The following TBC1D1 variants were observed in gnomAD, a reference collection of about 807,000 sequenced individuals.
TBC1D1 encodes TBC1 domain family member 1.
A neutral mutation model predicts 125.6 loss-of-function variants in TBC1D1; 89 were observed. That is an observed-to-expected ratio of 0.71 (90% CI 0.60 to 0.85). TBC1D1 has a LOEUF of 0.85. TBC1D1 is among the 40% of genes least tolerant of loss of function. The pLI, the probability that TBC1D1 is intolerant of heterozygous loss-of-function variation, is 0.00. For synonymous variants in TBC1D1, 565 were observed against 564.1 expected (o/e 1.00, Z -0.02); for missense variants, 1,377 against 1,469.2 (o/e 0.94, Z 1.03).
At chr4:37,906,161 C>A (rs989607368) in intron 2 of TBC1D1, among the ~76,000 whole-genome samples, 3 of 152,048 alleles carry the variant, frequency 2.0e-5, no homozygotes, top group African/African-American at 4.8e-5. Context: ...TTTTCCCCCC[C>A]GCTTGAGACA....
chr4:37,936,330 C>T (rs977102270), intron 2 of TBC1D1, among the ~76,000 whole-genome samples: 15 of 152,138 alleles, frequency 9.9e-5, no homozygotes, highest in Admixed American at 7.9e-4. Context: ...CCCTCTCTGT[C>T]GAAATATCCT....
chr4:37,898,070 A>C (rs968013661), intron 1 of TBC1D1, among the ~76,000 whole-genome samples: 2 of 152,224 alleles, frequency 1.3e-5, no homozygotes, highest in Non-Finnish European at 2.9e-5. Flanking sequence ...TATTATAAAA[A>C]TTTGCTCTTA....
chr4:38,021,882 C>A (rs966792442), intron 6 of TBC1D1, among the ~76,000 whole-genome samples, 164 bp downstream of exon 6: 11 of 152,178 alleles, frequency 7.2e-5, no homozygotes, highest in African/African-American at 2.2e-4. Flanking sequence ...TTCTGTATGT[C>A]AGGAATTGTG....
At chr4:38,097,223 C>T (rs1474334631) in intron 14 of TBC1D1, among the ~76,000 whole-genome samples, 6 of 152,110 alleles carry the variant, frequency 3.9e-5, no homozygotes, top group South Asian at 2.1e-4. Flanking sequence ...AGTGCAATGG[C>T]GCGATCTCAG....
chr4:38,099,596 G>GT (rs1330254390), intron 14 of TBC1D1, among the ~76,000 whole-genome samples: 8 of 152,184 alleles, frequency 5.3e-5, no homozygotes, highest in Non-Finnish European at 1.2e-4. Context: ...CATTTCAGAG[G>GT]TTTTTTTGCA....
chr4:38,036,095 T>C (rs1747156345), intron 8 of TBC1D1, among the ~76,000 whole-genome samples: 1 of 152,216 alleles, frequency 6.6e-6, no homozygotes, highest in African/African-American at 2.4e-5. Context: ...ACGTCCTTTG[T>C]GATATAAATG....
intron 12 of TBC1D1, among the ~76,000 whole-genome samples, chr4:38,073,784 G>A (rs934892046): frequency 4.6e-5 from 7 of 152,140 alleles, no homozygotes; most frequent in South Asian, 4.2e-4. Context: ...AGCTTGTTAC[G>A]TAAGGAGAAG....
intron 2 of TBC1D1, among the ~76,000 whole-genome samples, chr4:37,987,000 GA>G (rs1303311009): frequency 6.6e-6 from 1 of 152,172 alleles, no homozygotes; most frequent in African/African-American, 2.4e-5. Context: ...GGGCTGCAGT[GA>G]CCCACCCATT....
chr4:38,101,365 CT>C (rs1163412725), intron 14 of TBC1D1, among the ~76,000 whole-genome samples: 22 of 152,188 alleles, frequency 1.4e-4, no homozygotes, highest in Non-Finnish European at 1.5e-4. Flanking sequence ...AGTCTTCTTG[CT>C]CTCCCCCTTT....
intron 17 of TBC1D1, among the ~76,000 whole-genome samples, chr4:38,122,876 A>G (rs536979477): frequency 6.6e-6 from 1 of 152,350 alleles, no homozygotes; most frequent in South Asian, 2.1e-4. Flanking sequence ...ATTTTTTAAC[A>G]TATCAATAAA....
chr4:38,108,821 G>A (rs12509214), intron 15 of TBC1D1, among the ~76,000 whole-genome samples: 74,230 of 152,196 alleles, frequency 0.49, 19,123 homozygotes, highest in African/African-American at 0.64. Context: ...GTAGGAGAAC[G>A]GTTGGATTTT....
intron 12 of TBC1D1, among the ~76,000 whole-genome samples, chr4:38,076,245 A>G (rs1467842120): frequency 1.3e-5 from 2 of 152,214 alleles, no homozygotes; most frequent in Non-Finnish European, 2.9e-5. Context: ...AGCCCTTTAT[A>G]AAACCATCAG....
At chr4:38,080,620 G>A (rs530758998) in intron 12 of TBC1D1, among the ~76,000 whole-genome samples, 7 of 152,282 alleles carry the variant, frequency 4.6e-5, no homozygotes, top group South Asian at 2.1e-4. Context: ...CTTCCCAGTC[G>A]TGTGTCAGAA....
chr4:38,046,197 C>G (rs1342322386), intron 10 of TBC1D1, among the ~76,000 whole-genome samples: 1 of 152,012 alleles, frequency 6.6e-6, no homozygotes, highest in Non-Finnish European at 1.5e-5. Flanking sequence ...AACCCCGTCT[C>G]TACTAAAAAT....
At chr4:38,085,415 T>C (rs1213700162) in intron 12 of TBC1D1, among the ~76,000 whole-genome samples, 1 of 152,268 alleles carries the variant, frequency 6.6e-6, no homozygotes, top group African/African-American at 2.4e-5. Flanking sequence ...CCCTTTGGTT[T>C]GGTGGCTTTG....
At chr4:38,061,103 A>G (rs189161775) in intron 12 of TBC1D1, among the ~76,000 whole-genome samples, 94 of 152,340 alleles carry the variant, frequency 6.2e-4, no homozygotes, top group African/African-American at 1.8e-3. Context: ...TGCAGTGATT[A>G]AAAACATGGT....
chr4:37,995,738 CT>C lies in TBC1D1; in HGVS notation c.418-18769del. ...TATTTGGAAATGGTTGTCTGGACGG[CT>C]TGCACTTTGGTCTTAACTGCATTCA... On this transcript the variant is annotated intron_variant, in intron 2 of 19. Transcript: ENST00000261439. The surrounding 1 kb of genome is among the most constrained non-coding windows in gnomAD (Gnocchi z 4.3). The C allele has an allele frequency of 1.9e-6, 1 of 529,718 alleles. No individual in the cohort carries two copies. Among genetic ancestry groups the C allele is most frequent in the East Asian group, 5.3e-5 (1 of 18,944 alleles). 32.8% of individuals were successfully genotyped at this position (529,718 alleles called of 1,614,324 possible). A position where few individuals can be genotyped will look rare whatever the true frequency, so the allele number is the denominator to read the frequency against.
Position 37,902,014 on chromosome 4 carries a change from T to A in TBC1D1, c.-82T>A. 1.2e-5 allele frequency: 17 copies of A among 1,395,696 alleles called. No homozygotes were observed. Among genetic ancestry groups the A allele is most frequent in the Non-Finnish European group, 1.5e-5 (15 of 1,028,428 alleles). The allele number at this position is 1,395,696 out of a possible 1,614,324, so 86.5% of individuals were successfully genotyped here. A position where few individuals can be genotyped will look rare whatever the true frequency, so the allele number is the denominator to read the frequency against. Reference sequence around the variant, plus strand: ...GTTTTCTCCCCCAGGTTTCTGCATATGAAGTGTGTAAAATAGATTGCTTGA... The same window carrying A: ...GTTTTCTCCCCCAGGTTTCTGCATAAGAAGTGTGTAAAATAGATTGCTTGA... On this transcript the variant is annotated 5_prime_UTR_variant, in exon 2 of 20. It removes an upstream start codon present in the reference 5' UTR. Coordinates refer to ENST00000261439, the MANE Select transcript of TBC1D1 (RefSeq NM_015173.4).
intron 2 of TBC1D1, among the ~76,000 whole-genome samples, chr4:37,998,636 TA>T (rs1738345493): frequency 6.6e-6 from 1 of 152,198 alleles, no homozygotes; most frequent in Non-Finnish European, 1.5e-5. Flanking sequence ...TAAATCATGT[TA>T]CCTGTCTGTC....
Sources: allele counts gnomAD v4.1 joint callset (sites outside exome capture counted in the v4.1 genomes callset), GRCh38; gene constraint gnomAD v4.1.1; non-coding constraint Gnocchi (gnomAD v3.1); transcripts MANE v1.5; gene names NCBI Gene and HGNC (gene_info 2026-07-23, HGNC 2026-07-21).